Variants in PTPRS observed in about 807,000 individuals in gnomAD.
PTPRS encodes receptor-type tyrosine-protein phosphatase S.
In PTPRS, 63 loss-of-function variants were observed where a neutral mutation model predicts 215.3. The ratio of observed to expected loss-of-function variants is 0.29; its 90% confidence interval spans 0.24 to 0.36. The LOEUF is 0.36. PTPRS is among the 10% of genes least tolerant of loss of function. The pLI is 1.00. For missense variants in PTPRS, 2,258 were observed against 2,825.8 expected (o/e 0.80, Z 4.56); for synonymous variants, 1,404 against 1,191.4 (o/e 1.18, Z -3.68).
intron 1 of PTPRS, among the ~76,000 whole-genome samples, chr19:5,299,768 G>A (rs1375654797): frequency 6.6e-6 from 1 of 152,066 alleles, no homozygotes; most frequent in Non-Finnish European, 1.5e-5. Flanking sequence ...GCTACTCGGG[G>A]CTGAGGCAGG....
rs2049064037 is a variant in PTPRS at position 5,294,428 on chromosome 19, T to C, written c.-94-8194A>G. 1 of 152,252 alleles carries C rather than the reference T, an allele frequency of 6.6e-6. No individual in the cohort carries two copies. The highest frequency in any genetic ancestry group is 1.5e-5 in the Non-Finnish European group (1 of 68,118). The allele number at this position is 152,252 out of a possible 1,614,324, so 9.4% of individuals were successfully genotyped here. A position where few individuals can be genotyped will look rare whatever the true frequency, so the allele number is the denominator to read the frequency against. ...CCCGGAACTGAGGATATATCATGAA[T>C]AATTTCAAGCCCCTTGGGTTTATCT... On this transcript the variant is annotated intron_variant, in intron 1 of 37. Coordinates refer to ENST00000262963, the MANE Select transcript of PTPRS (RefSeq NM_002850.4). This position sits in a 1 kb window ranked among gnomAD's most constrained non-coding sequence, Gnocchi z 5.1.
intron 4 of PTPRS, among the ~76,000 whole-genome samples, chr19:5,272,066 C>T (rs67253231): frequency 0.15 from 23,374 of 152,010 alleles, 2,068 homozygotes; most frequent in Middle Eastern, 0.22. Context: ...CAGACAAGTT[C>T]ATTAACCTGC....
chr19:5,223,101 C>T lies in PTPRS; in HGVS notation c.2691G>A (p.Lys897=), dbSNP rs2042153198. Residue 897 remains lysine, a synonymous_variant, in exon 18 of 38, where the codon AAG becomes AAA. Coordinates refer to ENST00000262963, the MANE Select transcript of PTPRS (RefSeq NM_002850.4). ...CAAGCCGGAACACATACGTGGCCCCCTTGTGCACGCCTGATGCCGTGTAGC... is the reference window on the plus strand; with the variant it reads ...CAAGCCGGAACACATACGTGGCCCCTTTGTGCACGCCTGATGCCGTGTAGC... ...EDRYTASGVH[K]GATYVFRLAA... 2.6e-6 allele frequency: 4 copies of T among 1,565,126 alleles called. No homozygotes were observed. Among genetic ancestry groups the T allele is most frequent in the Non-Finnish European group, 3.5e-6 (4 of 1,155,542 alleles).
chr19:5,337,364 C>G (rs2050538866), intron 1 of PTPRS, among the ~76,000 whole-genome samples: 3 of 152,200 alleles, frequency 2.0e-5, no homozygotes, highest in South Asian at 2.1e-4. Flanking sequence ...ACGGGGCGCT[C>G]GGGTAGAAAT....
rs2041794742 is a variant in PTPRS at position 5,219,566 on chromosome 19, A to G, written c.3766-99T>C. ...TGAACCTACGTTTCTCCCCCGCTCT[A>G]GATCCTCCTATATTCCTAGAACCTT... On this transcript the variant is annotated intron_variant, in intron 22 of 37. Coordinates refer to ENST00000262963, the MANE Select transcript of PTPRS (RefSeq NM_002850.4). 5.1e-6 allele frequency: 7 copies of G among 1,376,638 alleles called. No individual in the cohort carries two copies. In the East Asian group the frequency reaches 7.3e-5, roughly 14 times the overall value. 85.3% of individuals were successfully genotyped at this position (1,376,638 alleles called of 1,614,324 possible).
intron 1 of PTPRS, among the ~76,000 whole-genome samples, chr19:5,301,804 G>A (rs1385312830): frequency 1.3e-5 from 2 of 151,564 alleles, no homozygotes; most frequent in East Asian, 1.9e-4. Flanking sequence ...GATGATGGAT[G>A]GAGTCTCACT....
At chr19:5,319,634 C>T (rs1427788547) in intron 1 of PTPRS, among the ~76,000 whole-genome samples, 12 of 151,988 alleles carry the variant, frequency 7.9e-5, no homozygotes, top group Admixed American at 7.9e-4. Context: ...TGACCTATTG[C>T]CTCCTCTCCC....
Position 5,283,825 on chromosome 19 carries a change from C to A in PTPRS, c.91+2225G>T, listed in dbSNP as rs193021170. ...CAGTGGCTCACTCTTGTAATCCCAGCACTTTGGGAGGCTGAGTTGGGAGGA... is the reference window on the plus strand; with the variant it reads ...CAGTGGCTCACTCTTGTAATCCCAGAACTTTGGGAGGCTGAGTTGGGAGGA... On this transcript the variant is annotated intron_variant, in intron 2 of 37. Transcript: ENST00000262963. 9.3e-4 allele frequency among the ~76,000 whole-genome samples: 141 copies of A among 152,284 alleles called. 1 individual carries two copies. The highest frequency in any genetic ancestry group is 8.6e-3 in the Admixed American group (132 of 15,298).
In PTPRS at chr19:5,274,294, C is replaced by A. The variant is rs1064293; in HGVS notation, c.142G>T (p.Gly48Cys). Reference sequence around the variant, plus strand: ...GCCTGACACACGAAAGAGGCCACACCCCCCGACACGCCGATCTGGTCCTTG... The same window carrying A: ...GCCTGACACACGAAAGAGGCCACACACCCCGACACGCCGATCTGGTCCTTG... ...EPKDQIGVSG[G>C]VASFVCQATG... The change falls in exon 3 of 38, where the codon GGT becomes TGT. Residue 48 changes from glycine (G) to cysteine (C), a missense_variant. By Grantham distance (159) the Gly-to-Cys change is radical (BLOSUM62 -3). Around this residue, in one of 6 missense-constraint regions of PTPRS, gnomAD observed 508 missense variants for 799.4 expected, o/e 0.64. Transcript: ENST00000262963. The A allele has an allele frequency of 6.2e-7, 1 of 1,613,760 alleles. No individual in the cohort carries two copies. The highest frequency in any genetic ancestry group is 8.5e-7 in the Non-Finnish European group (1 of 1,179,944).
intron 13 of PTPRS, among the ~76,000 whole-genome samples, chr19:5,236,762 G>A (rs2043472702): frequency 6.7e-6 from 1 of 149,436 alleles, no homozygotes; most frequent in Non-Finnish European, 1.5e-5. Flanking sequence ...TCCAAAACTA[G>A]ACAAAGGGAA....
intron 12 of PTPRS, 94 bp downstream of exon 12, chr19:5,240,105 T>C (rs982015740): frequency 1.9e-5 from 26 of 1,348,240 alleles, no homozygotes; most frequent in Middle Eastern, 2.7e-4. Context: ...GCAGCACACA[T>C]AGGGACAAAG....
At chr19:5,306,396 C>G (rs1860042) in intron 1 of PTPRS, among the ~76,000 whole-genome samples, 35,598 of 151,948 alleles carry the variant, frequency 0.23, 4,612 homozygotes, top group Non-Finnish European at 0.3. Flanking sequence ...ACGCTGGCCT[C>G]GGCCTCCCAA....
chr19:5,269,082 G>A (rs550589885), intron 4 of PTPRS, among the ~76,000 whole-genome samples: 1 of 152,084 alleles, frequency 6.6e-6, no homozygotes. Context: ...TGGGTCTGTC[G>A]GCATCCCCCT....
chr19:5,240,625 A>G (rs4807702), intron 11 of PTPRS, among the ~76,000 whole-genome samples: 103,006 of 151,606 alleles, frequency 0.68, 35,668 homozygotes, highest in African/African-American at 0.82. Flanking sequence ...AGATCACGAG[A>G]TCAGGAGATC....
intron 1 of PTPRS, among the ~76,000 whole-genome samples, chr19:5,325,379 G>A (rs906039502): frequency 6.6e-6 from 1 of 152,276 alleles, no homozygotes; most frequent in Non-Finnish European, 1.5e-5. Flanking sequence ...CAACTGCTAC[G>A]GAGTCGGGGG....
intron 1 of PTPRS, among the ~76,000 whole-genome samples, chr19:5,288,961 C>T (rs1011589799): frequency 2.6e-5 from 4 of 152,232 alleles, no homozygotes; most frequent in African/African-American, 9.6e-5. Context: ...TGGACTCCCC[C>T]CAGATCCGCC....
rs1396892857 is a variant in PTPRS, at chr19:5,293,885, G to T, written c.-94-7651C>A. Among the ~76,000 whole-genome samples the T allele has an allele frequency of 6.6e-6, 1 of 152,194 alleles. No homozygotes were observed. Among genetic ancestry groups the T allele is most frequent in the Non-Finnish European group, 1.5e-5 (1 of 68,018 alleles). ...AGAGCACAGGGCCAGATTGGAAACA[G>T]ATGGGGCCGCCGTGCCAGGCCCGCG... On this transcript the variant is annotated intron_variant, in intron 1 of 37. Transcript: ENST00000262963. This position sits in a 1 kb window ranked among gnomAD's most constrained non-coding sequence, Gnocchi z 8.4.
At chr19:5,337,608 GAGAT>G (rs1356691956) in intron 1 of PTPRS, among the ~76,000 whole-genome samples, 6 of 152,228 alleles carry the variant, frequency 3.9e-5, no homozygotes, top group Admixed American at 3.9e-4. Context: ...TTGATGAGCA[GAGAT>G]AGATTTGCCT....
Position 5,338,856 on chromosome 19 carries a change from A to T in PTPRS, c.-95+1808T>A, listed in dbSNP as rs1308615293. ...TTCTCCCGGGCGAAAGGCGGCAGAA[A>T]GAGGGAAGAAGGGCGCCCCAGACAA... On this transcript the variant is annotated intron_variant, in intron 1 of 37. Transcript: ENST00000262963. This position sits in a 1 kb window ranked among gnomAD's most constrained non-coding sequence, Gnocchi z 4.2. Among the ~76,000 whole-genome samples the T allele has an allele frequency of 6.6e-6, 1 of 152,222 alleles. No individual in the cohort carries two copies. The highest frequency in any genetic ancestry group is 6.5e-5 in the Admixed American group (1 of 15,292).
Sources: gnomAD v4.1 joint callset for allele counts (sites outside exome capture counted in the v4.1 genomes callset) on GRCh38, gnomAD v4.1.1 for gene constraint, gnomAD v4.1.1 regional missense constraint, Gnocchi (gnomAD v3.1) non-coding constraint, MANE v1.5 for transcripts, NCBI Gene and HGNC (gene_info 2026-07-23, HGNC 2026-07-21) for gene names.